Variants in CYFIP2 observed in about 807,000 individuals in gnomAD.
CYFIP2 encodes the protein cytoplasmic FMR1-interacting protein 2.
In CYFIP2, 29 loss-of-function variants were observed where a neutral mutation model predicts 158.7. That is an observed-to-expected ratio of 0.18 (90% CI 0.14 to 0.25). CYFIP2 has a LOEUF of 0.25. Ranked by LOEUF, CYFIP2 falls within the 10% of genes least tolerant of loss-of-function variation. CYFIP2 has a pLI of 1.00. For missense variants in CYFIP2, 852 were observed against 1,639.5 expected (o/e 0.52, Z 8.29); for synonymous variants, 585 against 617.6 (o/e 0.95, Z 0.78).
intron 13 of CYFIP2, among the ~76,000 whole-genome samples, chr5:157,317,586 G>A (rs1163363325): frequency 6.6e-6 from 1 of 152,046 alleles, no homozygotes; most frequent in South Asian, 2.1e-4. Flanking sequence ...TCTTCCCATC[G>A]TGGTAATTTT....
intron 1 of CYFIP2, chr5:157,271,532 A>C (rs1756089975): frequency 6.6e-6 from 1 of 152,452 alleles, no homozygotes; most frequent in Non-Finnish European, 1.5e-5. Context: ...TCACACAGAG[A>C]TCTTGAACCC....
intron 23 of CYFIP2, among the ~76,000 whole-genome samples, chr5:157,351,861 T>C (rs1166103584): frequency 6.6e-6 from 1 of 152,170 alleles, no homozygotes; most frequent in African/African-American, 2.4e-5. Flanking sequence ...ACAGAGAACA[T>C]CTAACCACCT....
At chr5:157,383,157 C>A in intron 27 of CYFIP2, 108 bp from the exon 28 acceptor site, 1 of 914,686 alleles carries the variant, frequency 1.1e-6, no homozygotes, top group Non-Finnish European at 1.7e-6. Flanking sequence ...CACACTCCAT[C>A]CCATTTTTGG....
At chr5:157,352,655 T>C (rs1763146329) in intron 23 of CYFIP2, among the ~76,000 whole-genome samples, 1 of 152,248 alleles carries the variant, frequency 6.6e-6, no homozygotes, top group African/African-American at 2.4e-5. Flanking sequence ...TTCTGCTAAA[T>C]GGGGATACTT....
intron 5 of CYFIP2, among the ~76,000 whole-genome samples, chr5:157,299,301 G>T (rs1433432286): frequency 6.6e-6 from 1 of 152,104 alleles, no homozygotes; most frequent in African/African-American, 2.4e-5. Flanking sequence ...ACAGTGCCCT[G>T]ACCCCATCTC....
chr5:157,360,442 G>A, intron 25 of CYFIP2, 70 bp downstream of exon 25: 2 of 1,351,508 alleles, frequency 1.5e-6, no homozygotes, highest in Non-Finnish European at 1.0e-6. Context: ...CCACCTTAGA[G>A]CGTTTGCTTC....
chr5:157,351,557 C>T (rs1763074003), intron 23 of CYFIP2, among the ~76,000 whole-genome samples: 1 of 152,196 alleles, frequency 6.6e-6, no homozygotes, highest in Non-Finnish European at 1.5e-5. Flanking sequence ...GCCTTCTTAT[C>T]ACCATTGTAC....
At position 157,283,219 on chromosome 5, in the gene CYFIP2, C is replaced by T. The variant is rs375544330; in HGVS notation, c.-23-2120C>T. Among the ~76,000 whole-genome samples the T allele has an allele frequency of 1.2e-4, 18 of 152,260 alleles. No homozygotes were observed. In the East Asian group the frequency reaches 1.7e-3, roughly 15 times the overall value. ...CTATAGACTGGGAATAATCATAGTA[C>T]CTACCTTTATAGGGTGGATGCAAGA... On this transcript the variant is annotated intron_variant, in intron 1 of 30. Transcript: ENST00000620254.
In CYFIP2 at chr5:157,304,319, G is replaced by C; in HGVS notation, c.748G>C (p.Glu250Gln). 2 of 1,613,970 alleles carry C rather than the reference G, an allele frequency of 1.2e-6. No individual in the cohort carries two copies. The highest frequency in any genetic ancestry group is 1.7e-6 in the Non-Finnish European group (2 of 1,179,890). Residue 250 changes from glutamate to glutamine, a missense_variant, in exon 8 of 31, where the codon GAG (glutamate) becomes CAG (glutamine). By Grantham distance (29) the Glu-to-Gln change is conservative. Coordinates refer to ENST00000620254, the MANE Select transcript of CYFIP2 (RefSeq NM_001037333.3). ...DIVNICVDYY[E>Q]NKMYLTPSEK... is the part of the protein sequence containing the mutation. ...TGTCAACATCTGTGTGGATTACTAC[G>C]AGAACAAGATGTACCTGACTCCCAG...
In CYFIP2 at chr5:157,339,040, G is replaced by GCT; in HGVS notation, c.2386-8_2386-7dup. 6.2e-7 allele frequency: 1 copy of GCT among 1,602,052 alleles called. No homozygotes were observed. The highest frequency in any genetic ancestry group is 2.3e-5 in the East Asian group (1 of 44,442). On this transcript the variant is annotated splice_polypyrimidine_tract_variant and intron_variant, in intron 21 of 30. Coordinates refer to ENST00000620254, the MANE Select transcript of CYFIP2 (RefSeq NM_001037333.3). Reference sequence around the variant, plus strand: ...ACAAGCAAGTCCTCAGCAGTTGTGGGCTCTCTCTCTGTACAGGAGCTGGAG... The same window carrying GCT: ...ACAAGCAAGTCCTCAGCAGTTGTGGGCTCTCTCTCTCTGTACAGGAGCTGGAG...
At chr5:157,330,963 G>A (rs1761411570) in intron 20 of CYFIP2, 113 bp downstream of exon 20, 4 of 799,366 alleles carry the variant, frequency 5.0e-6, no homozygotes, top group Non-Finnish European at 6.1e-6. Context: ...CATGTTGCCA[G>A]TGTGGATTTC....
At chr5:157,294,353 G>A (rs141931859) in intron 3 of CYFIP2, among the ~76,000 whole-genome samples, 223 of 152,296 alleles carry the variant, frequency 1.5e-3, no homozygotes, top group African/African-American at 4.9e-3. Flanking sequence ...TTTCTCTGTC[G>A]TAATCTTTGC....
At chr5:157,349,476 T>C (rs533721354) in intron 23 of CYFIP2, among the ~76,000 whole-genome samples, 2 of 152,260 alleles carry the variant, frequency 1.3e-5, no homozygotes, top group Non-Finnish European at 2.9e-5. Context: ...CTGAGTAGTA[T>C]TCCATGATGT....
At chr5:157,383,700 A>C in intron 28 of CYFIP2, 1 of 189,220 alleles carries the variant, frequency 5.3e-6, no homozygotes, top group South Asian at 1.3e-4. Flanking sequence ...CCAGCAGTTC[A>C]CTTCTGGATA....
intron 1 of CYFIP2, among the ~76,000 whole-genome samples, chr5:157,272,613 G>A (rs1011153219): frequency 3.3e-5 from 5 of 152,056 alleles, no homozygotes; most frequent in Admixed American, 6.6e-5. Context: ...TATTCTGCAC[G>A]TTGTCTATTT....
At chr5:157,283,209 AAT>A (rs1757126253) in intron 1 of CYFIP2, among the ~76,000 whole-genome samples, 1 of 152,202 alleles carries the variant, frequency 6.6e-6, no homozygotes, top group African/African-American at 2.4e-5. Context: ...GACTGGGAAT[AAT>A]CATAGTACCT....
At chr5:157,366,578 T>A (rs1412673105) in intron 26 of CYFIP2, among the ~76,000 whole-genome samples, 1 of 152,230 alleles carries the variant, frequency 6.6e-6, no homozygotes, top group Non-Finnish European at 1.5e-5. Flanking sequence ...TCCAGATTGT[T>A]CTGGCACCAC....
chr5:157,311,874 T>A lies in CYFIP2; in HGVS notation c.1110+93T>A. 8.3e-7 allele frequency: 1 copy of A among 1,200,530 alleles called. No homozygotes were observed. The highest frequency in any genetic ancestry group is 1.2e-6 in the Non-Finnish European group (1 of 841,256). The allele number at this position is 1,200,530 out of a possible 1,614,324, so 74.4% of individuals were successfully genotyped here. ...GAAAGAACATGGACCCACGGAACAC[T>A]GGAGAGTAGAAGGGAGGGAGGCAGG... On this transcript the variant is annotated intron_variant, in intron 11 of 30. Coordinates refer to ENST00000620254, the MANE Select transcript of CYFIP2 (RefSeq NM_001037333.3). This position sits in a 1 kb window ranked among gnomAD's most constrained non-coding sequence, Gnocchi z 4.7.
intron 6 of CYFIP2, among the ~76,000 whole-genome samples, chr5:157,301,659 G>A (rs1324635720): frequency 6.6e-6 from 1 of 152,060 alleles, no homozygotes; most frequent in African/African-American, 2.4e-5. Context: ...GCCAGGAGAG[G>A]GTCTCACACC....
Sources: gnomAD v4.1 joint callset for allele counts (sites outside exome capture counted in the v4.1 genomes callset) on GRCh38, gnomAD v4.1.1 for gene constraint, Gnocchi (gnomAD v3.1) non-coding constraint, MANE v1.5 for transcripts, NCBI Gene and HGNC (gene_info 2026-07-23, HGNC 2026-07-21) for gene names.